The following NMBR variants were observed in gnomAD, a reference collection of about 807,000 sequenced individuals.
NMBR encodes the protein neuromedin B receptor.
In NMBR, 16 loss-of-function variants were observed where a neutral mutation model predicts 20.5. The ratio of observed to expected loss-of-function variants is 0.78; its 90% CI spans 0.53 to 1.19. The LOEUF (loss-of-function observed/expected upper bound fraction) is 1.19, where lower values mean the gene tolerates loss of function less well. Among genes scored for constraint, NMBR ranks in the 50% most tolerant of loss-of-function variants. The probability of loss-of-function intolerance (pLI) is 0.00; values close to 1 mark genes in which losing one functional copy is unlikely to be tolerated. For missense variants in NMBR, 582 were observed against 499.1 expected, an observed-to-expected ratio of 1.17 and a Z score of -1.58; for synonymous variants, 212 against 196.6, an observed-to-expected ratio of 1.08 and a Z score of -0.65.
intron 2 of NMBR, among the ~76,000 whole-genome samples, chr6:142,085,084 C>G (rs1297644948): frequency 6.6e-6 from 1 of 152,206 alleles, no homozygotes; most frequent in Admixed American, 6.5e-5. Context: ...ACTATCACCA[C>G]TTCATACCAT....
In NMBR at chr6:142,141,471, A is replaced by AT. The variant is rs1582867240; in HGVS notation, c.-664+5572dup. On this transcript the variant is annotated intron_variant, in intron 1 of 3. Coordinates refer to ENST00000258042, the MANE Select transcript of NMBR (RefSeq NM_002511.4). ...ATGTTAGAAAAGAAGTTATATTGTGATTTTAACTGCTCACTTTCTGAAGTT... is the reference window on the plus strand; with the variant it reads ...ATGTTAGAAAAGAAGTTATATTGTGATTTTTAACTGCTCACTTTCTGAAGTT... 3.3e-5 allele frequency among the ~76,000 whole-genome samples: 5 copies of AT among 151,952 alleles called. No homozygotes were observed. In the East Asian group the frequency reaches 9.7e-4, roughly 29 times the overall value.
intron 1 of NMBR, chr6:142,134,854 A>G (rs1778221863): frequency 1.6e-6 from 1 of 641,016 alleles, no homozygotes; most frequent in Non-Finnish European, 2.8e-6. Context: ...AACAATTACA[A>G]TTTTATTATT....
intron 1 of NMBR, among the ~76,000 whole-genome samples, chr6:142,143,744 C>G (rs1017120723): frequency 6.7e-6 from 1 of 148,832 alleles, no homozygotes; most frequent in Non-Finnish European, 1.5e-5. Flanking sequence ...TATGGAAATA[C>G]AGGAGATGTA....
intron 1 of NMBR, among the ~76,000 whole-genome samples, chr6:142,093,152 TTC>T (rs1282704970): frequency 1.3e-5 from 2 of 152,060 alleles, no homozygotes; most frequent in African/African-American, 4.8e-5. Flanking sequence ...AGAATTTTTT[TTC>T]TTTTTTTTTA....
chr6:142,119,844 C>T (rs190742300), intron 1 of NMBR, among the ~76,000 whole-genome samples: 9 of 151,906 alleles, frequency 5.9e-5, no homozygotes, highest in Admixed American at 4.6e-4. Flanking sequence ...TATTAATGAC[C>T]GTATACTACT....
intron 1 of NMBR, among the ~76,000 whole-genome samples, chr6:142,101,422 T>C (rs976481261): frequency 2.0e-5 from 3 of 152,210 alleles, no homozygotes; most frequent in African/African-American, 7.2e-5. Context: ...AGCACCATGA[T>C]AAATGTACTT....
chr6:142,078,523 A>G, intron 3 of NMBR, 32 bp downstream of exon 3: 1 of 1,266,390 alleles, frequency 7.9e-7, no homozygotes, highest in Non-Finnish European at 1.1e-6. Flanking sequence ...TGTTCTGACC[A>G]CACACCACCA....
At chr6:142,093,691 T>G (rs551896408) in intron 1 of NMBR, among the ~76,000 whole-genome samples, 3 of 152,280 alleles carry the variant, frequency 2.0e-5, no homozygotes, top group East Asian at 3.9e-4. Flanking sequence ...CTGGGTCAAA[T>G]GGTAATTCTA....
At chr6:142,116,394 G>A (rs1777856100) in intron 1 of NMBR, among the ~76,000 whole-genome samples, 1 of 151,894 alleles carries the variant, frequency 6.6e-6, no homozygotes, top group Non-Finnish European at 1.5e-5. Context: ...TTAACATCTT[G>A]TTTGGACACA....
intron 1 of NMBR, among the ~76,000 whole-genome samples, chr6:142,142,185 A>T (rs1320325973): frequency 1.3e-5 from 2 of 152,216 alleles, no homozygotes; most frequent in Non-Finnish European, 2.9e-5. Flanking sequence ...ATCGATTTTT[A>T]AAATTTTAAA....
chr6:142,144,474 G>A (rs1463304888), intron 1 of NMBR, among the ~76,000 whole-genome samples: 1 of 151,936 alleles, frequency 6.6e-6, no homozygotes, highest in African/African-American at 2.4e-5. Flanking sequence ...TCTTCCTATG[G>A]TTGCCCTCAC....
At chr6:142,132,861 CCTGG>C (rs78334000) in intron 1 of NMBR, among the ~76,000 whole-genome samples, 16 of 151,908 alleles carry the variant, frequency 1.1e-4, no homozygotes, top group East Asian at 3.9e-4. Flanking sequence ...TGCTGGCACT[CCTGG>C]CTGGCTGGCT....
At chr6:142,094,516 G>A (rs1777405361) in intron 1 of NMBR, among the ~76,000 whole-genome samples, 1 of 152,150 alleles carries the variant, frequency 6.6e-6, no homozygotes, top group Admixed American at 6.6e-5. Context: ...CTAGATCTCT[G>A]TTTTGGTACC....
At chr6:142,137,429 T>C (rs1276472237) in intron 1 of NMBR, among the ~76,000 whole-genome samples, 1 of 152,212 alleles carries the variant, frequency 6.6e-6, no homozygotes, top group Non-Finnish European at 1.5e-5. Context: ...TATACAGTCA[T>C]GTAATCTGCA....
intron 1 of NMBR, among the ~76,000 whole-genome samples, chr6:142,130,374 T>A (rs985350775): frequency 6.6e-6 from 1 of 151,888 alleles, no homozygotes; most frequent in Non-Finnish European, 1.5e-5. Context: ...GGTCTTAGGG[T>A]AAAAGTCAAA....
chr6:142,092,052 A>C (rs924508376), intron 1 of NMBR, among the ~76,000 whole-genome samples: 2 of 152,134 alleles, frequency 1.3e-5, no homozygotes, highest in Non-Finnish European at 1.5e-5. Context: ...TTTTCTTAAG[A>C]TCATGACAAA....
chr6:142,129,500 T>C lies in NMBR; in HGVS notation c.-664+17544A>G, dbSNP rs113816893. ...AAGTCTTTCTGGGGTTCACTCCCAC[T>C]AGTCCTTGCTTACAAGTAGATGTCT... On this transcript the variant is annotated intron_variant, in intron 1 of 3. Coordinates refer to ENST00000258042, the MANE Select transcript of NMBR (RefSeq NM_002511.4). 6.4e-3 allele frequency among the ~76,000 whole-genome samples: 970 copies of C among 152,222 alleles called. 12 individuals carry two copies. Among genetic ancestry groups the C allele is most frequent in the African/African-American group, 0.023 (936 of 41,536 alleles).
intron 1 of NMBR, among the ~76,000 whole-genome samples, chr6:142,141,116 A>G (rs1397112324): frequency 6.6e-6 from 1 of 152,192 alleles, no homozygotes; most frequent in Non-Finnish European, 1.5e-5. Flanking sequence ...CCCAGCAACA[A>G]CAGAACAGAT....
chr6:142,101,765 T>A (rs947200949), intron 1 of NMBR, among the ~76,000 whole-genome samples: 2 of 152,086 alleles, frequency 1.3e-5, no homozygotes, highest in African/African-American at 2.4e-5. Context: ...CTCACTTAGA[T>A]GAGAGAATGA....
Sources: allele counts gnomAD v4.1 joint callset (sites outside exome capture counted in the v4.1 genomes callset), GRCh38; gene constraint gnomAD v4.1.1; transcripts MANE v1.5; gene names NCBI Gene and HGNC (gene_info 2026-07-23, HGNC 2026-07-21).